DDI2: variants seen among roughly 807,000 people sequenced by gnomAD.
DDI2 encodes protein DDI1 homolog 2.
A neutral mutation model predicts 48.1 loss-of-function variants in DDI2; 5 were observed. The ratio of observed to expected loss-of-function variants is 0.10; its 90% CI spans 0.05 to 0.22. DDI2 has a LOEUF of 0.22. DDI2 is among the 10% of genes least tolerant of loss of function. The probability of loss-of-function intolerance (pLI) is 1.00; values close to 1 mark genes in which losing one functional copy is unlikely to be tolerated. For missense variants in DDI2, 285 were observed against 506.2 expected, an observed-to-expected ratio of 0.56 and a Z score of 4.19; for synonymous variants, 205 against 183.6, an observed-to-expected ratio of 1.12 and a Z score of -0.94.
At chr1:15,649,874 T>C (rs1640151146) in intron 7 of DDI2, 51 bp downstream of exon 7, 1 of 1,526,020 alleles carries the variant, frequency 6.6e-7, no homozygotes, top group Non-Finnish European at 8.9e-7. Context: ...TGTAATATGG[T>C]CATTATCACA....
chr1:15,657,980 A>G (rs1640296312), intron 9 of DDI2, among the ~76,000 whole-genome samples: 1 of 152,174 alleles, frequency 6.6e-6, no homozygotes. Context: ...CCAGTAGTTT[A>G]TTAGAATGAT....
At chr1:15,629,723 T>C (rs1215561492) in intron 2 of DDI2, among the ~76,000 whole-genome samples, 1 of 150,304 alleles carries the variant, frequency 6.7e-6, no homozygotes, top group Non-Finnish European at 1.5e-5. Flanking sequence ...GAAACTAGCT[T>C]TAATTTTTTT....
intron 9 of DDI2, 133 bp downstream of exon 9, chr1:15,656,812 C>G (rs1469705283): frequency 8.0e-7 from 1 of 1,245,400 alleles, no homozygotes; most frequent in Admixed American, 2.5e-5. Context: ...TACAACTAGC[C>G]TATATGCATT....
At chr1:15,656,837 C>A in intron 9 of DDI2, 158 bp downstream of exon 9, 1 of 952,458 alleles carries the variant, frequency 1.0e-6, no homozygotes, top group Non-Finnish European at 1.5e-6. Flanking sequence ...TTTTGGCATG[C>A]ATACATGGAT....
intron 6 of DDI2, among the ~76,000 whole-genome samples, chr1:15,648,689 T>C (rs1640128251): frequency 6.6e-6 from 1 of 151,970 alleles, no homozygotes; most frequent in South Asian, 2.1e-4. Flanking sequence ...ACAAGAGGTA[T>C]CCATGGGGAG....
chr1:15,624,012 G>A (rs756705608), intron 1 of DDI2, among the ~76,000 whole-genome samples: 15 of 152,104 alleles, frequency 9.9e-5, no homozygotes, highest in Non-Finnish European at 1.6e-4. Context: ...CCGAGATCCC[G>A]CCACTGCACC....
Position 15,626,701 on chromosome 1 carries a change from C to T in DDI2, c.171C>T (p.Asn57=). Residue 57 remains asparagine, a synonymous_variant, in exon 2 of 10, where the codon AAC becomes AAT. Coordinates refer to ENST00000480945, the MANE Select transcript of DDI2 (RefSeq NM_032341.5). ...ATGCGGAAAGACCTCTCACAGACAACCACAGATCATTGGCTTCTTATGGCT... is the reference window on the plus strand; with the variant it reads ...ATGCGGAAAGACCTCTCACAGACAATCACAGATCATTGGCTTCTTATGGCT... ...IVYAERPLTD[N]HRSLASYGLK... 1 of 1,614,162 alleles carries T rather than the reference C, an allele frequency of 6.2e-7. No individual in the cohort carries two copies.
chr1:15,643,236 A>G (rs141699637), intron 5 of DDI2, among the ~76,000 whole-genome samples: 37 of 152,374 alleles, frequency 2.4e-4, no homozygotes, highest in Non-Finnish European at 4.7e-4. Flanking sequence ...TAGACGCAGG[A>G]CATCACTGCT....
Position 15,649,970 on chromosome 1 carries a change from A to G in DDI2, c.993+147A>G, listed in dbSNP as rs1640152720. The G allele has an allele frequency of 1.1e-5, 8 of 719,884 alleles. No homozygotes were observed. In the South Asian group the frequency reaches 1.5e-4, roughly 14 times the overall value. The allele number at this position is 719,884 out of a possible 1,614,324, so 44.6% of individuals were successfully genotyped here. A position where few individuals can be genotyped will look rare whatever the true frequency, so the allele number is the denominator to read the frequency against. ...ATGTCCTTAAATTATGTTGCTATAC[A>G]GAGGTTGAAATGATGTGTCGATATA... is the stretch of plus-strand genomic sequence containing the variant. On this transcript the variant is annotated intron_variant, in intron 7 of 9. Transcript: ENST00000480945.
At chr1:15,626,873 G>T (rs1639763411) in intron 2 of DDI2, 75 bp downstream of exon 2, 1 of 1,584,358 alleles carries the variant, frequency 6.3e-7, no homozygotes, top group Admixed American at 1.7e-5. Flanking sequence ...TCAGAGTTTT[G>T]GATTCGCTTT....
intron 7 of DDI2, 42 bp from the exon 8 acceptor site, chr1:15,651,664 G>GGT: frequency 6.5e-7 from 1 of 1,534,898 alleles, no homozygotes; most frequent in East Asian, 2.3e-5. Flanking sequence ...TTTTCTGCAT[G>GGT]GTGTTTTATC....
chr1:15,664,249 G>A lies in DDI2; in HGVS notation c.*4459G>A, dbSNP rs1640419697. ...AAAATAAAGCTGTTTGTCCAACACGGTGAAACCTCATCTCTACTAAAAATA... is the reference window on the plus strand; with the variant it reads ...AAAATAAAGCTGTTTGTCCAACACGATGAAACCTCATCTCTACTAAAAATA... On this transcript the variant is annotated 3_prime_UTR_variant, in exon 10 of 10. Coordinates refer to ENST00000480945, the MANE Select transcript of DDI2 (RefSeq NM_032341.5). 2.0e-5 allele frequency: 3 copies of A among 152,062 alleles called. No homozygotes were observed. The South Asian group carries it at 6.2e-4, about 32-fold the overall frequency. The allele number at this position is 152,062 out of a possible 1,614,324, so 9.4% of individuals were successfully genotyped here. A position where few individuals can be genotyped will look rare whatever the true frequency, so the allele number is the denominator to read the frequency against.
chr1:15,643,187 A>G (rs1640037183), intron 5 of DDI2, among the ~76,000 whole-genome samples: 1 of 152,248 alleles, frequency 6.6e-6, no homozygotes, highest in South Asian at 2.1e-4. Flanking sequence ...GATACTCGGT[A>G]AGAAGTGCAA....
intron 4 of DDI2, among the ~76,000 whole-genome samples, chr1:15,636,844 G>A (rs988564059): frequency 2.6e-5 from 4 of 152,184 alleles, no homozygotes; most frequent in East Asian, 1.9e-4. Context: ...GTTCAGCTCC[G>A]CCACTGCCAT....
intron 6 of DDI2, among the ~76,000 whole-genome samples, chr1:15,645,046 C>T (rs1305310871): frequency 6.6e-6 from 1 of 152,186 alleles, no homozygotes; most frequent in Non-Finnish European, 1.5e-5. Context: ...TGCACCACCA[C>T]ACCTAGCTAA....
At chr1:15,658,401 C>G (rs890728905) in intron 9 of DDI2, among the ~76,000 whole-genome samples, 1 of 151,812 alleles carries the variant, frequency 6.6e-6, no homozygotes, top group African/African-American at 2.4e-5. Flanking sequence ...CCACCTGCCT[C>G]GGCCTCCCAA....
At position 15,630,457 on chromosome 1, in the gene DDI2, A is replaced by G. The variant is rs1291945173; in HGVS notation, c.401A>G (p.Asn134Ser). The G allele has an allele frequency of 4.3e-6, 7 of 1,614,200 alleles. No homozygotes were observed. In the South Asian group the frequency reaches 4.4e-5, roughly 10 times the overall value. ...EITSSPQGLDNPALLRDMLLA... is the reference protein window; with the variant it reads ...EITSSPQGLDSPALLRDMLLA... ...ACTTCATCTCCTCAGGGCTTGGACA[A>G]TCCAGCCTTGCTCCGAGATATGTTG... The change falls in exon 3 of 10, where the codon AAT becomes AGT. Residue 134 changes from asparagine (N) to serine (S), a missense_variant. By Grantham distance (46) the Asn-to-Ser change is conservative. Coordinates refer to ENST00000480945, the MANE Select transcript of DDI2 (RefSeq NM_032341.5).
rs1313724298 is a variant in DDI2, at chr1:15,661,242, A to C, written c.*1452A>C. On this transcript the variant is annotated 3_prime_UTR_variant, in exon 10 of 10. Coordinates refer to ENST00000480945, the MANE Select transcript of DDI2 (RefSeq NM_032341.5). ...GTGATGGCCTGTCAACCGATAAGGA[A>C]GGTGTCCCCAAATCTAGGGAATCCA... 6.2e-7 allele frequency: 1 copy of C among 1,614,214 alleles called. No homozygotes were observed. The highest frequency in any genetic ancestry group is 8.5e-7 in the Non-Finnish European group (1 of 1,180,028).
rs1250139827 is a variant in DDI2, at chr1:15,660,762, T to C, written c.*972T>C. The C allele has an allele frequency of 6.2e-7, 1 of 1,613,732 alleles. No homozygotes were observed. The highest frequency in any genetic ancestry group is 2.2e-5 in the East Asian group (1 of 44,900). ...AAACATCAAAATGTAACCCTTCATC[T>C]GAAATTTTGAATGATTCCATTTCCA... is the stretch of plus-strand genomic sequence containing the variant. On this transcript the variant is annotated 3_prime_UTR_variant, in exon 10 of 10. Coordinates refer to ENST00000480945, the MANE Select transcript of DDI2 (RefSeq NM_032341.5).
Sources: gnomAD v4.1 joint callset for allele counts (sites outside exome capture counted in the v4.1 genomes callset) on GRCh38, gnomAD v4.1.1 for gene constraint, MANE v1.5 for transcripts, NCBI Gene and HGNC (gene_info 2026-07-23, HGNC 2026-07-21) for gene names.